Variants in ARHGAP24 observed in about 807,000 individuals in gnomAD.
ARHGAP24 encodes the protein Rho GTPase activating protein 24, also known as rho GTPase-activating protein 24.
In ARHGAP24, 50 loss-of-function variants were observed where a neutral mutation model predicts 76.4. That is an observed-to-expected ratio of 0.65 (90% CI 0.52 to 0.83). ARHGAP24 has a LOEUF of 0.83. ARHGAP24 is among the 40% of genes least tolerant of loss of function. The pLI is 0.00. For synonymous variants in ARHGAP24, 345 were observed against 323.3 expected (o/e 1.07, Z -0.72); for missense variants, 930 against 914.2 (o/e 1.02, Z -0.22).
intron 1 of ARHGAP24, among the ~76,000 whole-genome samples, chr4:85,512,711 A>G (rs1428706114): frequency 1.3e-5 from 2 of 152,198 alleles, no homozygotes; most frequent in African/African-American, 2.4e-5. Flanking sequence ...ACTTGTCACA[A>G]AAATGTTTTT....
chr4:85,692,526 A>T (rs892312679), intron 2 of ARHGAP24, among the ~76,000 whole-genome samples: 17 of 151,742 alleles, frequency 1.1e-4, no homozygotes, highest in African/African-American at 4.1e-4. Context: ...CATTTAAACA[A>T]TTTTTTTTTC....
At chr4:85,796,952 G>C (rs1024391271) in intron 3 of ARHGAP24, among the ~76,000 whole-genome samples, 4 of 152,116 alleles carry the variant, frequency 2.6e-5, no homozygotes, top group Non-Finnish European at 4.4e-5. Context: ...TTTGTGAGGA[G>C]GGACTGCAGA....
chr4:85,985,413 T>C (rs1418579048), intron 8 of ARHGAP24, among the ~76,000 whole-genome samples: 1 of 152,020 alleles, frequency 6.6e-6, no homozygotes, highest in Admixed American at 6.6e-5. Context: ...TTCTCACTTA[T>C]AGGTGGGTGC....
intron 1 of ARHGAP24, among the ~76,000 whole-genome samples, chr4:85,545,813 A>G (rs753637716): frequency 1.8e-4 from 27 of 152,254 alleles, no homozygotes; most frequent in South Asian, 2.1e-4. Context: ...GTCAAAATCC[A>G]GGTATCAGAT....
At chr4:85,923,894 A>T (rs1735874486) in intron 4 of ARHGAP24, 124 bp downstream of exon 4, 1 of 1,378,478 alleles carries the variant, frequency 7.3e-7, no homozygotes, top group Admixed American at 1.9e-5. Context: ...TAAATTGTAA[A>T]TTGTTCAACA....
intron 5 of ARHGAP24, among the ~76,000 whole-genome samples, chr4:85,967,864 G>A (rs890454391): frequency 1.3e-5 from 2 of 152,080 alleles, no homozygotes; most frequent in African/African-American, 4.8e-5. Context: ...GAATCTAACA[G>A]CAGTTTGGGC....
chr4:85,582,187 A>G (rs1189614366), intron 2 of ARHGAP24, among the ~76,000 whole-genome samples: 3 of 152,144 alleles, frequency 2.0e-5, no homozygotes, highest in Non-Finnish European at 4.4e-5. Flanking sequence ...AATGAGCAGT[A>G]ATTCCATTTT....
chr4:85,610,193 A>G (rs1039940959), intron 2 of ARHGAP24, among the ~76,000 whole-genome samples: 1 of 152,002 alleles, frequency 6.6e-6, no homozygotes, highest in Non-Finnish European at 1.5e-5. Flanking sequence ...TTCCTTAGGA[A>G]GCACCCTTGG....
At chr4:85,971,070 T>C (rs1206843906) in intron 5 of ARHGAP24, among the ~76,000 whole-genome samples, 8 of 152,242 alleles carry the variant, frequency 5.3e-5, no homozygotes, top group African/African-American at 1.9e-4. Context: ...TTTATTTTTA[T>C]AGCATTTCTC....
chr4:85,981,453 G>A (rs1261561118), intron 8 of ARHGAP24, among the ~76,000 whole-genome samples: 1 of 152,120 alleles, frequency 6.6e-6, no homozygotes, highest in South Asian at 2.1e-4. Flanking sequence ...AGAAATACGT[G>A]TGTCAGGATT....
At chr4:85,675,055 C>A (rs1435633068) in intron 2 of ARHGAP24, among the ~76,000 whole-genome samples, 1 of 152,142 alleles carries the variant, frequency 6.6e-6, no homozygotes, top group Non-Finnish European at 1.5e-5. Context: ...GATAACTGAT[C>A]TGGTTTACAA....
intron 5 of ARHGAP24, among the ~76,000 whole-genome samples, chr4:85,959,878 G>A (rs1257355405): frequency 1.3e-5 from 2 of 152,026 alleles, no homozygotes; most frequent in East Asian, 3.9e-4. Context: ...TTTTATTTTA[G>A]TTTTTGACAT....
intron 2 of ARHGAP24, among the ~76,000 whole-genome samples, chr4:85,623,405 G>A (rs573977387): frequency 7.0e-4 from 106 of 152,254 alleles, no homozygotes; most frequent in African/African-American, 2.4e-3. Context: ...TCAGATAGTG[G>A]TAGATACATG....
intron 2 of ARHGAP24, among the ~76,000 whole-genome samples, chr4:85,637,950 T>G (rs938927002): frequency 6.6e-6 from 1 of 152,106 alleles, no homozygotes; most frequent in African/African-American, 2.4e-5. Flanking sequence ...TTATTCAGAA[T>G]CTACATTCTC....
intron 1 of ARHGAP24, among the ~76,000 whole-genome samples, chr4:85,508,373 C>T (rs926603558): frequency 2.6e-5 from 4 of 152,094 alleles, no homozygotes; most frequent in African/African-American, 9.7e-5. Context: ...GAAGATACCA[C>T]CTGAAAATAA....
At chr4:85,807,488 A>G (rs1348968620) in intron 3 of ARHGAP24, among the ~76,000 whole-genome samples, 2 of 152,306 alleles carry the variant, frequency 1.3e-5, no homozygotes, top group East Asian at 3.9e-4. Flanking sequence ...CTGAAATCCA[A>G]GTCACCAGGA....
At chr4:85,783,952 A>AC (rs773512584) in intron 3 of ARHGAP24, among the ~76,000 whole-genome samples, 4 of 152,170 alleles carry the variant, frequency 2.6e-5, no homozygotes, top group Non-Finnish European at 4.4e-5. Flanking sequence ...GGCCTCTTCT[A>AC]CATGAAACAA....
At chr4:85,560,489 C>T (rs1378002758) in intron 1 of ARHGAP24, among the ~76,000 whole-genome samples, 1 of 152,140 alleles carries the variant, frequency 6.6e-6, no homozygotes, top group East Asian at 1.9e-4. Flanking sequence ...TGTTCCTGAT[C>T]CATCCCAATA....
intron 2 of ARHGAP24, among the ~76,000 whole-genome samples, chr4:85,665,581 C>T (rs28885804): frequency 0.029 from 4,457 of 152,144 alleles, 203 homozygotes; most frequent in African/African-American, 0.1. Context: ...TTATTTTGCT[C>T]GTTAGTTGAT....
Sources: allele counts gnomAD v4.1 joint callset (sites outside exome capture counted in the v4.1 genomes callset), GRCh38; gene constraint gnomAD v4.1.1; transcripts MANE v1.5; gene names NCBI Gene and HGNC (gene_info 2026-07-23, HGNC 2026-07-21).